Variants in FAT3 observed in about 807,000 individuals in gnomAD.
FAT3 encodes the protein FAT atypical cadherin 3.
In FAT3, 95 loss-of-function variants were observed where a neutral mutation model predicts 310.2. That is an observed-to-expected ratio of 0.31 (90% CI 0.26 to 0.36). The LOEUF (loss-of-function observed/expected upper bound fraction) is 0.36, where lower values mean the gene tolerates loss of function less well. Ranked by LOEUF, FAT3 falls within the 10% of genes least tolerant of loss-of-function variation. FAT3 has a pLI of 1.00. For missense variants in FAT3, 5,408 were observed against 5,715.6 expected (o/e 0.95, Z 1.74); for synonymous variants, 2,314 against 2,192.9 (o/e 1.06, Z -1.54).
At chr11:92,331,011 A>T (rs112693900) in intron 1 of FAT3, among the ~76,000 whole-genome samples, 20,595 of 118,838 alleles carry the variant, frequency 0.17, 1,505 homozygotes, top group African/African-American at 0.38. Context: ...TGTGAGAGAG[A>T]GAGAGAGAGA....
intron 2 of FAT3, among the ~76,000 whole-genome samples, chr11:92,378,475 A>G (rs1450446340): frequency 1.3e-5 from 2 of 152,038 alleles, no homozygotes; most frequent in African/African-American, 2.4e-5. Flanking sequence ...TATCTCTTAT[A>G]CCCCAGTTGG....
At chr11:92,763,115 C>T (rs1355173542) in intron 5 of FAT3, among the ~76,000 whole-genome samples, 2 of 151,582 alleles carry the variant, frequency 1.3e-5, no homozygotes, top group Non-Finnish European at 2.9e-5. Flanking sequence ...GCCAAGACCA[C>T]GCCACTGCAC....
chr11:92,782,025 G>A (rs1190121500), intron 7 of FAT3, among the ~76,000 whole-genome samples: 1 of 152,104 alleles, frequency 6.6e-6, no homozygotes, highest in Non-Finnish European at 1.5e-5. Context: ...ATAAGGATAG[G>A]AAGGCCAGGC....
intron 1 of FAT3, among the ~76,000 whole-genome samples, chr11:92,333,734 ATT>A (rs35671347): frequency 2.6e-4 from 38 of 148,092 alleles, no homozygotes; most frequent in East Asian, 5.9e-4. Flanking sequence ...CCTTAAAAGT[ATT>A]TTTTTTTTTC....
At chr11:92,257,502 C>G (rs752421596) in intron 1 of FAT3, among the ~76,000 whole-genome samples, 3 of 152,000 alleles carry the variant, frequency 2.0e-5, no homozygotes, top group Non-Finnish European at 2.9e-5. Flanking sequence ...TTCCATCTTT[C>G]AAAATTTTAG....
chr11:92,863,348 A>G (rs1272474981), intron 21 of FAT3, among the ~76,000 whole-genome samples: 1 of 152,224 alleles, frequency 6.6e-6, no homozygotes, highest in Non-Finnish European at 1.5e-5. Flanking sequence ...CCACATGCCA[A>G]GAATCTGAAG....
At chr11:92,484,802 A>G (rs970939204) in intron 2 of FAT3, among the ~76,000 whole-genome samples, 1 of 152,224 alleles carries the variant, frequency 6.6e-6, no homozygotes, top group Non-Finnish European at 1.5e-5. Context: ...AACCACCATT[A>G]ATAATATTCT....
intron 2 of FAT3, among the ~76,000 whole-genome samples, chr11:92,425,900 G>C (rs187033656): frequency 6.6e-6 from 1 of 152,118 alleles, no homozygotes; most frequent in Non-Finnish European, 1.5e-5. Flanking sequence ...TATATACCTA[G>C]CAATGGTATT....
At chr11:92,854,069 C>T (rs1948905334) in intron 19 of FAT3, among the ~76,000 whole-genome samples, 1 of 152,194 alleles carries the variant, frequency 6.6e-6, no homozygotes, top group Non-Finnish European at 1.5e-5. Context: ...CTGAGCCACC[C>T]TCAGCACCCC....
chr11:92,502,747 C>G (rs1423332161), intron 2 of FAT3, among the ~76,000 whole-genome samples: 5 of 152,124 alleles, frequency 3.3e-5, no homozygotes, highest in South Asian at 4.1e-4. Flanking sequence ...GCCTTTCACC[C>G]AGACCAAAAG....
At chr11:92,829,335 A>G (rs1275464982) in intron 13 of FAT3, among the ~76,000 whole-genome samples, 1 of 152,230 alleles carries the variant, frequency 6.6e-6, no homozygotes, top group African/African-American at 2.4e-5. Flanking sequence ...AGCGTACCAT[A>G]TGCTGGAGGT....
chr11:92,363,256 C>T (rs1948925613), intron 2 of FAT3, among the ~76,000 whole-genome samples: 1 of 152,114 alleles, frequency 6.6e-6, no homozygotes, highest in South Asian at 2.1e-4. Flanking sequence ...TGTCCAAAGC[C>T]TCTAATCATC....
At chr11:92,511,239 G>A (rs1187070622) in intron 2 of FAT3, among the ~76,000 whole-genome samples, 2 of 152,206 alleles carry the variant, frequency 1.3e-5, no homozygotes, top group African/African-American at 4.8e-5. Context: ...ATTCACAGAT[G>A]GAGAGTTGAA....
At chr11:92,252,246 C>T (rs533250016) in intron 1 of FAT3, among the ~76,000 whole-genome samples, 1 of 152,278 alleles carries the variant, frequency 6.6e-6, no homozygotes, top group Middle Eastern at 3.4e-3. Context: ...AATTTAGCAA[C>T]TTTGCCTAAC....
intron 4 of FAT3, among the ~76,000 whole-genome samples, chr11:92,734,116 A>G (rs1388765529): frequency 6.6e-6 from 1 of 152,152 alleles, no homozygotes; most frequent in Admixed American, 6.6e-5. Context: ...CTGATGTTTT[A>G]ATTCAGAGGA....
At position 92,840,587 on chromosome 11, in the gene FAT3, T is replaced by C; in HGVS notation, c.10394T>C (p.Ile3465Thr). Residue 3465 changes from isoleucine (I) to threonine (T), a missense_variant, in exon 18 of 28, where the codon ATC (isoleucine) becomes ACC (threonine). By Grantham distance (89) the Ile-to-Thr change is moderately conservative (BLOSUM62 -1). Around this residue, in one of 5 missense-constraint regions of FAT3, gnomAD observed 4,588 missense variants for 4,809.8 expected, o/e 0.95. Transcript: ENST00000525166. ...IQENKPVGTS[I>T]LQLVVTDRDS... ...GAAAATAAGCCAGTGGGCACCAGCA[T>C]CTTGCAGCTGGTGGTGACAGACAGA... is the stretch of plus-strand genomic sequence containing the variant. 1 of 1,600,148 alleles carries C rather than the reference T, an allele frequency of 6.2e-7. No individual in the cohort carries two copies. Among genetic ancestry groups the C allele is most frequent in the Non-Finnish European group, 8.6e-7 (1 of 1,168,562 alleles).
intron 1 of FAT3, among the ~76,000 whole-genome samples, chr11:92,288,865 C>T (rs773505562): frequency 3.9e-5 from 6 of 152,076 alleles, no homozygotes; most frequent in Non-Finnish European, 8.8e-5. Context: ...CTGGACCACA[C>T]TTGGTTGGTT....
chr11:92,367,425 C>T (rs1949056077), intron 2 of FAT3, among the ~76,000 whole-genome samples: 1 of 152,050 alleles, frequency 6.6e-6, no homozygotes, highest in East Asian at 1.9e-4. Context: ...GTGAGACCCT[C>T]TGTCTAAAAA....
At chr11:92,656,809 A>G (rs1223470996) in intron 3 of FAT3, among the ~76,000 whole-genome samples, 5 of 152,226 alleles carry the variant, frequency 3.3e-5, no homozygotes, top group Non-Finnish European at 7.3e-5. Context: ...TATTGATGGA[A>G]GAACTAAAGC....
Sources: gnomAD v4.1 joint callset for allele counts (sites outside exome capture counted in the v4.1 genomes callset) on GRCh38, gnomAD v4.1.1 for gene constraint, gnomAD v4.1.1 regional missense constraint, MANE v1.5 for transcripts, NCBI Gene and HGNC (gene_info 2026-07-23, HGNC 2026-07-21) for gene names.